Variants in AGBL4 observed in about 807,000 individuals in gnomAD.
The protein encoded by AGBL4 is cytosolic carboxypeptidase 6.
Under a neutral mutation model 66.4 loss-of-function variants are expected in AGBL4, and 58 were observed. The ratio of observed to expected loss-of-function variants is 0.87; its 90% CI spans 0.71 to 1.09. AGBL4 has a LOEUF of 1.09. Ranked by LOEUF, AGBL4 falls within the 50% of genes least tolerant of loss-of-function variation. The pLI is 0.00. For missense variants in AGBL4, 579 were observed against 631.0 expected (o/e 0.92, Z 0.88); for synonymous variants, 234 against 222.9 (o/e 1.05, Z -0.44).
At chr1:48,813,868 AGGAGAG>A (rs1646114723) in intron 6 of AGBL4, among the ~76,000 whole-genome samples, 1 of 150,780 alleles carries the variant, frequency 6.6e-6, no homozygotes, top group Non-Finnish European at 1.5e-5. Context: ...ATCAAGGCTC[AGGAGAG>A]GGCTCTGGGA....
intron 3 of AGBL4, among the ~76,000 whole-genome samples, chr1:49,436,044 G>T (rs1401354004): frequency 6.6e-6 from 1 of 152,318 alleles, no homozygotes; most frequent in South Asian, 2.1e-4. Flanking sequence ...TGACCGATAT[G>T]ATTAGAGAGG....
At chr1:49,961,758 G>C (rs1657139573) in intron 1 of AGBL4, among the ~76,000 whole-genome samples, 1 of 152,060 alleles carries the variant, frequency 6.6e-6, no homozygotes, top group South Asian at 2.1e-4. Context: ...TCAGTAACTA[G>C]AATATATGCA....
intron 3 of AGBL4, among the ~76,000 whole-genome samples, chr1:49,622,582 T>C (rs1571195076): frequency 8.7e-6 from 1 of 115,186 alleles, no homozygotes; most frequent in Non-Finnish European, 1.6e-5. Flanking sequence ...TGAGCCAAGA[T>C]CCCGCCACTG....
chr1:49,322,550 T>C (rs892378888), intron 3 of AGBL4, among the ~76,000 whole-genome samples: 1 of 152,198 alleles, frequency 6.6e-6, no homozygotes, highest in African/African-American at 2.4e-5. Context: ...TCTTAGATTA[T>C]CCAGTGGGCT....
chr1:49,763,024 A>G (rs1468817537), intron 2 of AGBL4, among the ~76,000 whole-genome samples: 1 of 152,114 alleles, frequency 6.6e-6, no homozygotes, highest in Non-Finnish European at 1.5e-5. Context: ...CAAGTTTTAT[A>G]TTTAAGTTTT....
At chr1:48,724,163 A>G (rs1257149503) in intron 6 of AGBL4, among the ~76,000 whole-genome samples, 1 of 152,172 alleles carries the variant, frequency 6.6e-6, no homozygotes, top group Non-Finnish European at 1.5e-5. Context: ...CAACATTAAC[A>G]CTGACAACCA....
At chr1:49,702,199 A>T (rs1239031288) in intron 2 of AGBL4, among the ~76,000 whole-genome samples, 1 of 152,200 alleles carries the variant, frequency 6.6e-6, no homozygotes, top group Non-Finnish European at 1.5e-5. Context: ...TAAAAAATTA[A>T]CACCAATTCT....
At chr1:49,875,636 T>C (rs901368291) in intron 1 of AGBL4, among the ~76,000 whole-genome samples, 13 of 149,288 alleles carry the variant, frequency 8.7e-5, no homozygotes, top group Admixed American at 6.0e-4. Context: ...TGTGTCTTTA[T>C]AGCAGCATGA....
intron 5 of AGBL4, among the ~76,000 whole-genome samples, chr1:48,874,502 G>A (rs1649028802): frequency 6.6e-6 from 1 of 151,964 alleles, no homozygotes; most frequent in African/African-American, 2.4e-5. Context: ...TTGCATTTTT[G>A]GGAAGACTAG....
At chr1:49,406,708 T>C (rs1259250069) in intron 3 of AGBL4, among the ~76,000 whole-genome samples, 1 of 152,094 alleles carries the variant, frequency 6.6e-6, no homozygotes, top group Non-Finnish European at 1.5e-5. Flanking sequence ...GGTAAAAGTA[T>C]GTGATTATTT....
At chr1:49,822,310 CGTGTGTGTGTGT>C (rs143957066) in intron 2 of AGBL4, among the ~76,000 whole-genome samples, 7 of 145,792 alleles carry the variant, frequency 4.8e-5, no homozygotes, top group African/African-American at 1.0e-4. Context: ...CTTCTTTCTT[CGTGTGTGTGTGT>C]GTGTGTGTGT....
At chr1:49,536,622 C>A (rs1479510452) in intron 3 of AGBL4, among the ~76,000 whole-genome samples, 1 of 152,018 alleles carries the variant, frequency 6.6e-6, no homozygotes, top group East Asian at 1.9e-4. Flanking sequence ...AAGAATGAAG[C>A]TGGAGGCATC....
At chr1:48,536,621 T>G (rs1226671623) in intron 12 of AGBL4, among the ~76,000 whole-genome samples, 1 of 152,160 alleles carries the variant, frequency 6.6e-6, no homozygotes, top group Admixed American at 6.5e-5. Context: ...TCCAGTGTGT[T>G]GAGGAGCTGA....
At chr1:48,925,149 TACAC>T (rs55896102) in intron 5 of AGBL4, among the ~76,000 whole-genome samples, 80 of 145,858 alleles carry the variant, frequency 5.5e-4, no homozygotes, top group Non-Finnish European at 5.6e-4. Flanking sequence ...TATATATACA[TACAC>T]ACACACACAC....
intron 4 of AGBL4, among the ~76,000 whole-genome samples, chr1:49,060,338 G>T (rs1441409351): frequency 3.3e-5 from 5 of 152,126 alleles, no homozygotes; most frequent in Admixed American, 6.5e-5. Context: ...TGCCATGATT[G>T]TAAGTTTCCT....
At chr1:49,037,095 G>T (rs1009267304) in intron 5 of AGBL4, among the ~76,000 whole-genome samples, 2 of 151,892 alleles carry the variant, frequency 1.3e-5, no homozygotes, top group African/African-American at 4.8e-5. Context: ...AGAAGATGCT[G>T]GTTTTTACAG....
At chr1:49,008,511 T>C (rs1192825366) in intron 5 of AGBL4, among the ~76,000 whole-genome samples, 1 of 148,452 alleles carries the variant, frequency 6.7e-6, no homozygotes, top group Middle Eastern at 3.5e-3. Flanking sequence ...TGAACTCAGC[T>C]CTGCACCAAG....
intron 3 of AGBL4, among the ~76,000 whole-genome samples, chr1:49,335,561 C>G (rs1048370983): frequency 2.6e-5 from 4 of 151,652 alleles, no homozygotes; most frequent in Non-Finnish European, 4.4e-5. Context: ...TGTTGCCCAG[C>G]CTGGAGTGCA....
chr1:50,012,165 CAAAA>C (rs34501869), intron 1 of AGBL4, among the ~76,000 whole-genome samples: 1 of 47,774 alleles, frequency 2.1e-5, no homozygotes, highest in Non-Finnish European at 4.6e-5. Flanking sequence ...GACTCCGTCT[CAAAA>C]AAAAAAAAAA....
Sources: allele counts gnomAD v4.1 joint callset (sites outside exome capture counted in the v4.1 genomes callset), GRCh38; gene constraint gnomAD v4.1.1; transcripts MANE v1.5; gene names NCBI Gene and HGNC (gene_info 2026-07-23, HGNC 2026-07-21).